Variants in MAP1A observed in about 807,000 individuals in gnomAD.
The protein encoded by MAP1A is microtubule-associated protein 1A.
MAP1A carries 42 observed loss-of-function variants against 185.9 expected under a neutral mutation model. The ratio of observed to expected loss-of-function variants is 0.23; its 90% CI spans 0.18 to 0.29. The LOEUF (loss-of-function observed/expected upper bound fraction) is 0.29. Among genes scored for constraint, MAP1A ranks in the 10% least tolerant of loss-of-function variants. MAP1A has a pLI of 1.00. For synonymous variants in MAP1A, 1,229 were observed against 1,335.9 expected (o/e 0.92, Z 1.74); for missense variants, 2,995 against 3,450.4 (o/e 0.87, Z 3.31).
At position 43,523,565 on chromosome 15, in the gene MAP1A, G is replaced by T; in HGVS notation, c.2092G>T (p.Ala698Ser). ...GAAGGTAACTCCAAGGAGCCGGGAGGCTTTTGGGGGTCGGGAATTGGGACT... is the reference window on the plus strand; with the variant it reads ...GAAGGTAACTCCAAGGAGCCGGGAGTCTTTTGGGGGTCGGGAATTGGGACT... ...PLKVTPRSRE[A>S]FGGRELGLQG... Residue 698 changes from alanine to serine, a missense_variant, in exon 4 of 6, where the codon GCT becomes TCT. Coordinates refer to ENST00000300231, the MANE Select transcript of MAP1A (RefSeq NM_002373.6). The T allele has an allele frequency of 6.2e-7, 1 of 1,614,174 alleles. No homozygotes were observed. The highest frequency in any genetic ancestry group is 1.1e-5 in the South Asian group (1 of 91,088).
chr15:43,528,810 G>C lies in MAP1A; in HGVS notation c.7337G>C (p.Gly2446Ala). The C allele has an allele frequency of 6.2e-7, 1 of 1,613,526 alleles. No individual in the cohort carries two copies. Among genetic ancestry groups the C allele is most frequent in the African/African-American group, 1.3e-5 (1 of 75,022 alleles). ...GCCACTGAGCCTCGGCCCCATCGTG[G>C]GGAGCTCTCCCCATCCTTCCTGAAC... ...GCATEPRPHR[G>A]ELSPSFLNPP... Residue 2446 changes from glycine (G) to alanine (A), a missense_variant, in exon 4 of 6, where the codon GGG becomes GCG. This residue lies in a region of MAP1A where 2,728 missense variants were observed against 2,986.0 expected (regional missense o/e 0.91). Transcript: ENST00000300231.
Position 43,527,320 on chromosome 15 carries a change from T to A in MAP1A, c.5847T>A (p.Thr1949=), listed in dbSNP as rs1287972693. 1.2e-6 allele frequency: 2 copies of A among 1,613,934 alleles called. No individual in the cohort carries two copies. The highest frequency in any genetic ancestry group is 1.7e-6 in the Non-Finnish European group (2 of 1,180,006). The change falls in exon 4 of 6, where the codon ACT becomes ACA. Residue 1949 remains threonine, a synonymous_variant. Transcript: ENST00000300231. The part of the protein sequence containing the change: ...KSHATTEPEQ[T]EPEQREPTPY... ...ATGCCACCACGGAGCCTGAGCAGAC[T>A]GAGCCGGAGCAGAGAGAGCCCACAC... is the stretch of plus-strand genomic sequence containing the variant.
Position 43,527,458 on chromosome 15 carries a change from T to G in MAP1A, c.5985T>G (p.Asp1995Glu), listed in dbSNP as rs1042033349. 1 of 1,614,022 alleles carries G rather than the reference T, an allele frequency of 6.2e-7. No individual in the cohort carries two copies. The highest frequency in any genetic ancestry group is 8.5e-7 in the Non-Finnish European group (1 of 1,180,006). Residue 1995 changes from aspartate to glutamate, a missense_variant, in exon 4 of 6, where the codon GAT (aspartate) becomes GAG (glutamate). Transcript: ENST00000300231. ...AGCCTCCACTTGGAGCAGCTGGGGATTGGCCCCCATGCCTCTCAACCAAGG... is the reference window on the plus strand; with the variant it reads ...AGCCTCCACTTGGAGCAGCTGGGGAGTGGCCCCCATGCCTCTCAACCAAGG... ...TREPPLGAAGDWPPCLSTKEA... is the reference protein window; with the variant it reads ...TREPPLGAAGEWPPCLSTKEA...
In MAP1A at chr15:43,525,956, A is replaced by C. The variant is rs770288466; in HGVS notation, c.4483A>C (p.Lys1495Gln). 6.2e-7 allele frequency: 1 copy of C among 1,614,158 alleles called. No homozygotes were observed. Among genetic ancestry groups the C allele is most frequent in the Admixed American group, 1.7e-5 (1 of 60,020 alleles). Reference sequence around the variant, plus strand: ...ACAGAAGGAGAAGATCCCAGAAGAGAAAGACAAAGCCTTAGATCAAAAAGT... The same window carrying C: ...ACAGAAGGAGAAGATCCCAGAAGAGCAAGACAAAGCCTTAGATCAAAAAGT... The part of the protein sequence containing the change: ...LEQKEKIPEE[K>Q]DKALDQKVRS... The change falls in exon 4 of 6, where the codon AAA becomes CAA. Residue 1495 changes from lysine to glutamine, a missense_variant. Physicochemically the swap from Lys to Gln is moderately conservative, Grantham distance 53 (BLOSUM62 1). Transcript: ENST00000300231.
At position 43,527,217 on chromosome 15, in the gene MAP1A, A is replaced by G. The variant is rs2079348504; in HGVS notation, c.5744A>G (p.Glu1915Gly). 1.2e-6 allele frequency: 2 copies of G among 1,613,912 alleles called. No individual in the cohort carries two copies. The highest frequency in any genetic ancestry group is 1.7e-6 in the Non-Finnish European group (2 of 1,179,988). Residue 1915 changes from glutamate to glycine, a missense_variant, in exon 4 of 6, where the codon GAA (glutamate) becomes GGA (glycine). By Grantham distance (98) the Glu-to-Gly change is moderately conservative (BLOSUM62 -2). Transcript: ENST00000300231. ...AAGGACTACCGCAAGGCTGAAGGGGAAAGGGAAGAAGAAGGTAGGGCTGAG... is the reference window on the plus strand; with the variant it reads ...AAGGACTACCGCAAGGCTGAAGGGGGAAGGGAAGAAGAAGGTAGGGCTGAG... ...LGKDYRKAEG[E>G]REEEGRAEAP...
At position 43,525,418 on chromosome 15, in the gene MAP1A, C is replaced by T; in HGVS notation, c.3945C>T (p.His1315=). Residue 1315 remains histidine, a synonymous_variant, in exon 4 of 6, where the codon CAC becomes CAT. Coordinates refer to ENST00000300231, the MANE Select transcript of MAP1A (RefSeq NM_002373.6). ...LPGAITSPDE[H]ILTPDSSFSK... ...GGGCGATCACAAGCCCTGATGAACA[C>T]ATTCTGACACCTGATAGCTCCTTCT... is the stretch of plus-strand genomic sequence containing the variant. The T allele has an allele frequency of 6.2e-7, 1 of 1,614,166 alleles. No individual in the cohort carries two copies. Among genetic ancestry groups the T allele is most frequent in the Non-Finnish European group, 8.5e-7 (1 of 1,180,040 alleles).
intron 2 of MAP1A, 25 bp from the exon 3 acceptor site, chr15:43,520,947 G>T: frequency 6.5e-7 from 1 of 1,546,032 alleles, no homozygotes; most frequent in South Asian, 1.2e-5. Flanking sequence ...CTATATCTGT[G>T]ACCACTCCCC....
rs199653721 is a variant in MAP1A, at chr15:43,529,700, G to A, written c.8086G>A (p.Ala2696Thr). ...TGGTGCCCCTGTATATGTGGATCTC[G>A]CCTACATCCCGAATCATTGCAGTGG... ...SSGAPVYVDLAYIPNHCSGKT... is the reference protein window; with the variant it reads ...SSGAPVYVDLTYIPNHCSGKT... The change falls in exon 5 of 6, where the codon GCC (alanine) becomes ACC (threonine). Residue 2696 changes from alanine to threonine, a missense_variant. Physicochemically the swap from Ala to Thr is moderately conservative, Grantham distance 58. This residue lies in a region of MAP1A where 2,728 missense variants were observed against 2,986.0 expected (regional missense o/e 0.91). Transcript: ENST00000300231. The surrounding 1 kb of genome is among the most constrained non-coding windows in gnomAD (Gnocchi z 4.3). 1.4e-5 allele frequency: 23 copies of A among 1,614,030 alleles called. No homozygotes were observed. The highest frequency in any genetic ancestry group is 1.6e-4 in the Middle Eastern group (1 of 6,062).
intron 1 of MAP1A, 27 bp downstream of exon 1, chr15:43,517,727 A>G: frequency 1.2e-6 from 1 of 859,772 alleles, no homozygotes; most frequent in Non-Finnish European, 1.4e-6. Context: ...AGGGCTTGGC[A>G]TGTGGGGGTA....
chr15:43,529,447 G>A lies in MAP1A; in HGVS notation c.7974G>A (p.Glu2658=). The change falls in exon 4 of 6, where the codon GAG becomes GAA. Residue 2658 remains glutamate, a synonymous_variant. Transcript: ENST00000300231. The surrounding 1 kb of genome is among the most constrained non-coding windows in gnomAD (Gnocchi z 4.3). ...CCACAAGCCAGGTCACCCCAGCAGA[G>A]GAAAAGGATGGACACAGCCCCATGT... The part of the protein sequence containing the change: ...RSTTSQVTPA[E]EKDGHSPMSK... 1 of 1,613,612 alleles carries A rather than the reference G, an allele frequency of 6.2e-7. No homozygotes were observed. Among genetic ancestry groups the A allele is most frequent in the Non-Finnish European group, 8.5e-7 (1 of 1,179,734 alleles).
chr15:43,512,274 TCTC>T (rs2079284191), exon 2 of MAP1A: 6 of 1,544,874 alleles, frequency 3.9e-6, no homozygotes, highest in East Asian at 2.4e-5. Context: ...CTAGCTCACT[TCTC>T]CTCAGAGGTC....
chr15:43,512,135 C>G (rs752124005), intron 1 of MAP1A: 5 of 1,005,602 alleles, frequency 5.0e-6, no homozygotes, highest in Non-Finnish European at 7.7e-6. Flanking sequence ...CCTGCAGTCT[C>G]ACCACCCTAC....
In MAP1A at chr15:43,523,633, C is replaced by A; in HGVS notation, c.2160C>A (p.Ser720Arg). 1 of 1,614,114 alleles carries A rather than the reference C, an allele frequency of 6.2e-7. No individual in the cohort carries two copies. The highest frequency in any genetic ancestry group is 2.2e-5 in the East Asian group (1 of 44,878). The change falls in exon 4 of 6, where the codon AGC (serine) becomes AGA (arginine). Residue 720 changes from serine (S) to arginine (R), a missense_variant. Physicochemically the swap from Ser to Arg is moderately radical, Grantham distance 110. Around this residue, in one of 3 missense-constraint regions of MAP1A, gnomAD observed 2,728 missense variants for 2,986.0 expected, o/e 0.91. Transcript: ENST00000300231. ...AGAAGGAGACCTCGTTATTCCTAAG[C>A]AGCCTGACCACACCTGCAGGAGCCA... ...APEKETSLFL[S>R]SLTTPAGATE...
chr15:43,523,414 A>G lies in MAP1A; in HGVS notation c.1941A>G (p.Glu647=). The G allele has an allele frequency of 6.2e-7, 1 of 1,613,256 alleles. No homozygotes were observed. Among genetic ancestry groups the G allele is most frequent in the Non-Finnish European group, 8.5e-7 (1 of 1,179,534 alleles). The change falls in exon 4 of 6, where the codon GAA becomes GAG. Residue 647 remains glutamate (E), a synonymous_variant. Coordinates refer to ENST00000300231, the MANE Select transcript of MAP1A (RefSeq NM_002373.6). ...RTEAREESEP[E]VKEDVIEKAE... is the part of the protein sequence containing the mutation. ...AAGCCAGAGAGGAAAGTGAACCTGA[A>G]GTAAAGGAGGATGTGATAGAAAAGG... is the stretch of plus-strand genomic sequence containing the variant.
rs2079336633 is a variant in MAP1A at position 43,524,998 on chromosome 15, C to T, written c.3525C>T (p.Gly1175=). 6.2e-7 allele frequency: 1 copy of T among 1,614,166 alleles called. No individual in the cohort carries two copies. The highest frequency in any genetic ancestry group is 1.1e-5 in the South Asian group (1 of 91,084). ...NQEPTPKSPC[G]LTEQYLHKDR... is the part of the protein sequence containing the mutation. ...AGCCTACCCCCAAGTCTCCCTGTGG[C>T]CTGACAGAACAGTACCTACACAAAG... The change falls in exon 4 of 6, where the codon GGC becomes GGT. Residue 1175 remains glycine, a synonymous_variant. Transcript: ENST00000300231.
At position 43,524,234 on chromosome 15, in the gene MAP1A, TC is replaced by T; in HGVS notation, c.2762del (p.Ser921Ter). On this transcript the variant is annotated frameshift_variant, in exon 4 of 6. Coordinates refer to ENST00000300231, the MANE Select transcript of MAP1A (RefSeq NM_002373.6). LOFTEE classifies it high-confidence loss of function. Reference sequence around the variant, plus strand: ...TGAGGACTTCTCTGTGACTGGGGAGTCAGAGAAGAGAGGAGAGATCATAGGG... The same window carrying T: ...TGAGGACTTCTCTGTGACTGGGGAGTAGAGAAGAGAGGAGAGATCATAGGG... ...PCEDFSVTGE[S>X]EKRGEIIGKG... 1 of 1,613,318 alleles carries T rather than the reference TC, an allele frequency of 6.2e-7. No homozygotes were observed. Among genetic ancestry groups the T allele is most frequent in the Non-Finnish European group, 8.5e-7 (1 of 1,179,852 alleles).
rs1225951589 is a variant in MAP1A at position 43,520,837 on chromosome 15, G to A, written c.-292+114G>A. On this transcript the variant is annotated intron_variant, in intron 2 of 5. Transcript: ENST00000300231. Reference sequence around the variant, plus strand: ...TCCTCTCTCTGCCATCTAAGCTGACGTATTGTCTCCAGCCCACTCTGGAGG... The same window carrying A: ...TCCTCTCTCTGCCATCTAAGCTGACATATTGTCTCCAGCCCACTCTGGAGG... 7.7e-6 allele frequency: 10 copies of A among 1,305,628 alleles called. No individual in the cohort carries two copies. The Admixed American group carries it at 1.2e-4, about 16-fold the overall frequency. The allele number at this position is 1,305,628 out of a possible 1,614,324, so 80.9% of individuals were successfully genotyped here.
chr15:43,523,530 A>G lies in MAP1A; in HGVS notation c.2057A>G (p.Gln686Arg). The change falls in exon 4 of 6, where the codon CAG becomes CGG. Residue 686 changes from glutamine (Q) to arginine (R), a missense_variant. By Grantham distance (43) the Gln-to-Arg change is conservative. Transcript: ENST00000300231. ...GAGGGTTTTTACCAAAAACATATGC[A>G]GGAACCCTTGAAGGTAACTCCAAGG... ...KAEGFYQKHM[Q>R]EPLKVTPRSR... 1 of 1,614,182 alleles carries G rather than the reference A, an allele frequency of 6.2e-7. No individual in the cohort carries two copies. Among genetic ancestry groups the G allele is most frequent in the Non-Finnish European group, 8.5e-7 (1 of 1,180,016 alleles).
intron 1 of MAP1A, among the ~76,000 whole-genome samples, chr15:43,518,513 AC>A (rs1366241379): frequency 6.7e-6 from 1 of 149,194 alleles, no homozygotes; most frequent in African/African-American, 2.5e-5. Context: ...CCCCATCCCC[AC>A]CCCCCATGCA....
Sources: allele counts gnomAD v4.1 joint callset (sites outside exome capture counted in the v4.1 genomes callset), GRCh38; gene constraint gnomAD v4.1.1; regional missense constraint gnomAD v4.1.1; non-coding constraint Gnocchi (gnomAD v3.1); transcripts MANE v1.5; gene names NCBI Gene and HGNC (gene_info 2026-07-23, HGNC 2026-07-21).